The following ABCA10 variants were observed in gnomAD, a reference collection of about 807,000 sequenced individuals.
ABCA10 encodes the protein ATP binding cassette subfamily A member 10.
A neutral mutation model predicts 187.5 loss-of-function variants in ABCA10; 169 were observed. That is an observed-to-expected ratio of 0.90 (90% CI 0.80 to 1.02). The LOEUF (loss-of-function observed/expected upper bound fraction) is 1.02. ABCA10 is among the 50% of genes least tolerant of loss of function. The probability of loss-of-function intolerance (pLI) is 0.00; values close to 1 mark genes in which losing one functional copy is unlikely to be tolerated. For synonymous variants in ABCA10, 574 were observed against 601.8 expected (o/e 0.95, Z 0.68); for missense variants, 1,727 against 1,812.4 (o/e 0.95, Z 0.86).
chr17:69,192,585 A>G lies in ABCA10; in HGVS notation c.1849T>C (p.Trp617Arg), dbSNP rs1284173209. 40 of 1,613,084 alleles carry G rather than the reference A, an allele frequency of 2.5e-5. No homozygotes were observed. The highest frequency in any genetic ancestry group is 3.2e-5 in the Non-Finnish European group (38 of 1,179,508). Residue 617 changes from tryptophan to arginine, a missense_variant, in exon 16 of 39, where the codon TGG becomes CGG. Physicochemically the swap from Trp to Arg is moderately radical, Grantham distance 101. Transcript: ENST00000690296. ...AGSSLFLKRK[W>R]GIGYHLSLHR... is the part of the protein sequence containing the mutation. ...TACCTTAAATGATATCCAATACCCC[A>G]CTTTCGCTTCAGAAACAAAGATGAT... is the stretch of plus-strand genomic sequence containing the variant.
chr17:69,240,310 T>A (rs1568080958), intron 1 of ABCA10, among the ~76,000 whole-genome samples: 1 of 152,178 alleles, frequency 6.6e-6, no homozygotes, highest in Non-Finnish European at 1.5e-5. Flanking sequence ...GGAAGGAAGT[T>A]AGGAGCAGAT....
chr17:69,216,454 G>A (rs11868981), intron 6 of ABCA10, 96 bp from the exon 7 acceptor site: 184,648 of 1,357,150 alleles, frequency 0.14, 13,594 homozygotes, highest in Middle Eastern at 0.2. Flanking sequence ...TCTGAAATCA[G>A]GACTAAATTT....
At chr17:69,192,996 G>A (rs2074472432) in intron 15 of ABCA10, 114 bp downstream of exon 15, 1 of 1,417,144 alleles carries the variant, frequency 7.1e-7, no homozygotes, top group South Asian at 1.5e-5. Flanking sequence ...CTTGAAATGG[G>A]CTTCTGCAAA....
chr17:69,186,995 C>G (rs2074426331), intron 19 of ABCA10, among the ~76,000 whole-genome samples: 1 of 151,824 alleles, frequency 6.6e-6, no homozygotes, highest in South Asian at 2.1e-4. Flanking sequence ...GTTTAAAGGC[C>G]TTATCAATTT....
intron 3 of ABCA10, chr17:69,223,680 T>C: frequency 2.2e-6 from 1 of 451,044 alleles, no homozygotes; most frequent in South Asian, 1.6e-5. Context: ...GAAACTTTTA[T>C]GAGGACAGTG....
intron 11 of ABCA10, among the ~76,000 whole-genome samples, chr17:69,196,840 G>A (rs536260257): frequency 2.0e-5 from 3 of 152,242 alleles, no homozygotes; most frequent in South Asian, 4.2e-4. Flanking sequence ...GCAAAACCCC[G>A]TCTCCACCAA....
chr17:69,242,195 ATC>A (rs1345495919), intron 1 of ABCA10, among the ~76,000 whole-genome samples: 3 of 152,260 alleles, frequency 2.0e-5, no homozygotes, highest in Non-Finnish European at 1.5e-5. Flanking sequence ...TATCAACTAC[ATC>A]ATAATCACAT....
At chr17:69,169,148 T>G (rs139303440) in intron 25 of ABCA10, among the ~76,000 whole-genome samples, 21 of 152,362 alleles carry the variant, frequency 1.4e-4, no homozygotes, top group African/African-American at 5.0e-4. Context: ...TATATTCTGA[T>G]GTTTAAATAA....
intron 12 of ABCA10, 26 bp from the exon 13 acceptor site, chr17:69,194,015 T>C (rs767223417): frequency 6.5e-7 from 1 of 1,542,888 alleles, no homozygotes; most frequent in South Asian, 1.2e-5. Context: ...TAAAAGGCTT[T>C]ACTGCCAGAA....
At chr17:69,198,132 T>G (rs1353148498) in intron 10 of ABCA10, among the ~76,000 whole-genome samples, 1 of 152,176 alleles carries the variant, frequency 6.6e-6, no homozygotes, top group Non-Finnish European at 1.5e-5. Flanking sequence ...CCTACAAAAT[T>G]ATTACAATTT....
At chr17:69,174,918 G>C (rs1464565093) in intron 23 of ABCA10, 141 bp from the exon 24 acceptor site, 2 of 663,856 alleles carry the variant, frequency 3.0e-6, no homozygotes, top group Non-Finnish European at 4.5e-6. Flanking sequence ...TAAAAATCTA[G>C]CATCTCCAAT....
At position 69,175,487 on chromosome 17, in the gene ABCA10, A is replaced by G; in HGVS notation, c.2796T>C (p.Phe932=). 1 of 1,611,624 alleles carries G rather than the reference A, an allele frequency of 6.2e-7. No individual in the cohort carries two copies. Among genetic ancestry groups the G allele is most frequent in the Non-Finnish European group, 8.5e-7 (1 of 1,178,402 alleles). ...SRDDIVLDLG[F]IDGSIFLLLI... is the part of the protein sequence containing the mutation. Reference sequence around the variant, plus strand: ...ACAACAAAAATATGGACCCATCTATAAAACCAAGATCCAGCACTATGTCAT... The same window carrying G: ...ACAACAAAAATATGGACCCATCTATGAAACCAAGATCCAGCACTATGTCAT... Residue 932 remains phenylalanine, a synonymous_variant, in exon 23 of 39, where the codon TTT becomes TTC. Coordinates refer to ENST00000690296, the MANE Select transcript of ABCA10 (RefSeq NM_001377321.1).
At chr17:69,177,960 A>AT (rs1244398685) in intron 22 of ABCA10, among the ~76,000 whole-genome samples, 1 of 30,104 alleles carries the variant, frequency 3.3e-5, no homozygotes, top group African/African-American at 1.3e-4. Context: ...CATTTCAAAA[A>AT]AAAAAAAAAA....
chr17:69,170,189 G>A (rs1360851286), intron 25 of ABCA10, among the ~76,000 whole-genome samples: 3 of 151,638 alleles, frequency 2.0e-5, no homozygotes, highest in Admixed American at 2.0e-4. Context: ...TCAGGAAGCT[G>A]AGGCAGGAGA....
At chr17:69,219,154 G>A (rs778970386) in intron 6 of ABCA10, among the ~76,000 whole-genome samples, 6 of 152,134 alleles carry the variant, frequency 3.9e-5, no homozygotes, top group Non-Finnish European at 7.3e-5. Flanking sequence ...GCCCAAGAAG[G>A]AAGTGAGTCA....
At chr17:69,216,717 A>T (rs552419250) in intron 6 of ABCA10, among the ~76,000 whole-genome samples, 6 of 152,078 alleles carry the variant, frequency 3.9e-5, no homozygotes, top group Non-Finnish European at 7.4e-5. Context: ...CTTTCAGTTA[A>T]ATGACTATAT....
chr17:69,199,503 T>C (rs987929018), intron 10 of ABCA10, among the ~76,000 whole-genome samples: 3 of 152,194 alleles, frequency 2.0e-5, no homozygotes, highest in Non-Finnish European at 4.4e-5. Flanking sequence ...TAGGTACATA[T>C]AGAGGGAATA....
At chr17:69,194,363 C>T (rs781245887) in intron 12 of ABCA10, 22 bp downstream of exon 12, 2 of 1,584,846 alleles carry the variant, frequency 1.3e-6, no homozygotes, top group Admixed American at 3.4e-5. Context: ...AGCCAACTTA[C>T]TTTATAAAAC....
intron 16 of ABCA10, 144 bp from the exon 17 acceptor site, chr17:69,191,459 C>T: frequency 1.2e-6 from 1 of 860,662 alleles, no homozygotes; most frequent in Non-Finnish European, 1.6e-6. Flanking sequence ...AAATCAGATA[C>T]TCCACTTCAA....
Sources: allele counts gnomAD v4.1 joint callset (sites outside exome capture counted in the v4.1 genomes callset), GRCh38; gene constraint gnomAD v4.1.1; transcripts MANE v1.5; gene names NCBI Gene and HGNC (gene_info 2026-07-23, HGNC 2026-07-21).